The following FANK1 variants were observed in gnomAD, a reference collection of about 807,000 sequenced individuals.
The protein encoded by FANK1 is fibronectin type III and ankyrin repeat domains 1.
FANK1 carries 44 observed loss-of-function variants against 45.3 expected under a neutral mutation model. That is an observed-to-expected ratio of 0.97 (90% CI 0.76 to 1.25). FANK1 has a LOEUF of 1.25. Ranked by LOEUF, FANK1 falls within the 50% of genes most tolerant of loss-of-function variation. The pLI, the probability that FANK1 is intolerant of heterozygous loss-of-function variation, is 0.00. For synonymous variants in FANK1, 149 were observed against 152.5 expected, an observed-to-expected ratio of 0.98 and a Z score of 0.17; for missense variants, 391 against 424.4, an observed-to-expected ratio of 0.92 and a Z score of 0.69.
At chr10:125,942,169 T>TA in intron 1 of FANK1, among the ~76,000 whole-genome samples, 1 of 152,324 alleles carries the variant, frequency 6.6e-6, no homozygotes, top group East Asian at 1.9e-4. Context: ...ACTTCCTAGA[T>TA]AAAATGCTAG....
chr10:125,989,147 C>T (rs1443360891), intron 3 of FANK1: 2 of 744,792 alleles, frequency 2.7e-6, no homozygotes, highest in Non-Finnish European at 4.3e-6. Context: ...ACGAACAGTG[C>T]TGCTGCATCC....
chr10:125,940,685 G>A (rs1948396381), intron 1 of FANK1, among the ~76,000 whole-genome samples: 1 of 152,054 alleles, frequency 6.6e-6, no homozygotes, highest in East Asian at 1.9e-4. Context: ...GGATGGTCAG[G>A]TCTTTCCCTT....
intron 1 of FANK1, among the ~76,000 whole-genome samples, chr10:125,962,831 T>C (rs1398421250): frequency 6.6e-6 from 1 of 152,088 alleles, no homozygotes; most frequent in African/African-American, 2.4e-5. Flanking sequence ...AAAAATTTAT[T>C]TTTATAAAAA....
intron 1 of FANK1, among the ~76,000 whole-genome samples, chr10:125,906,867 G>C (rs1945567615): frequency 6.6e-6 from 1 of 152,128 alleles, no homozygotes; most frequent in African/African-American, 2.4e-5. Flanking sequence ...AATTATTTTA[G>C]TTATTTCTGA....
At chr10:125,911,421 T>C (rs1246976392) in intron 1 of FANK1, among the ~76,000 whole-genome samples, 2 of 152,220 alleles carry the variant, frequency 1.3e-5, no homozygotes, top group Non-Finnish European at 2.9e-5. Context: ...GTTTCTGTTG[T>C]TTTAAGCTGC....
In FANK1 at chr10:125,960,373, G is replaced by A. The variant is rs370499990; in HGVS notation, c.14-19788G>A. 9.9e-4 allele frequency: 201 copies of A among 202,054 alleles called. 1 individual carries two copies. Among genetic ancestry groups the A allele is most frequent in the South Asian group, 6.3e-3 (82 of 12,952 alleles). The allele number at this position is 202,054 out of a possible 1,614,324, so 12.5% of individuals were successfully genotyped here. A position where few individuals can be genotyped will look rare whatever the true frequency, so the allele number is the denominator to read the frequency against. On this transcript the variant is annotated intron_variant, in intron 1 of 10. Transcript: ENST00000368693. ...TGCAGCTTGAGCTGCTCCACCAGGC[G>A]CTGCAGGGCACTCTTGCTGGCCCTG...
intron 3 of FANK1, chr10:125,994,649 G>C (rs1489636678): frequency 1.0e-6 from 1 of 985,246 alleles, no homozygotes; most frequent in African/African-American, 1.7e-5. Flanking sequence ...AAAATCAGAA[G>C]GTGTAGAATA....
At chr10:125,935,445 C>T (rs1948034800) in intron 1 of FANK1, among the ~76,000 whole-genome samples, 1 of 152,136 alleles carries the variant, frequency 6.6e-6, no homozygotes, top group Admixed American at 6.5e-5. Flanking sequence ...TGGTATAAGA[C>T]AGCAGGGTTA....
intron 1 of FANK1, among the ~76,000 whole-genome samples, chr10:125,899,866 G>A (rs1469537930): frequency 2.0e-5 from 3 of 152,246 alleles, no homozygotes; most frequent in Admixed American, 6.5e-5. Context: ...TATAGCATCA[G>A]TAAATTGGTT....
At chr10:126,000,629 A>G (rs1952687747) in intron 6 of FANK1, among the ~76,000 whole-genome samples, 1 of 152,192 alleles carries the variant, frequency 6.6e-6, no homozygotes, top group East Asian at 1.9e-4. Context: ...ACCAGAAAAC[A>G]CAGAGGCATA....
intron 3 of FANK1, among the ~76,000 whole-genome samples, chr10:125,989,094 G>A (rs1334525436): frequency 6.6e-6 from 1 of 152,130 alleles, no homozygotes. Flanking sequence ...GTCTTAACTC[G>A]CCACACAAAC....
intron 1 of FANK1, among the ~76,000 whole-genome samples, chr10:125,941,996 G>A (rs1948480201): frequency 6.6e-6 from 1 of 152,200 alleles, no homozygotes; most frequent in Admixed American, 6.5e-5. Context: ...TAATGTTCTG[G>A]CCTTCAGATG....
intron 1 of FANK1, among the ~76,000 whole-genome samples, chr10:125,963,858 G>A (rs1041110350): frequency 1.3e-5 from 2 of 151,914 alleles, no homozygotes; most frequent in South Asian, 2.1e-4. Flanking sequence ...AAACCTGCAC[G>A]TTGTACACAT....
chr10:125,994,409 G>GT, intron 3 of FANK1: 2 of 985,258 alleles, frequency 2.0e-6, no homozygotes. Context: ...GACCTTTGAG[G>GT]TTTTTTTAGA....
intron 1 of FANK1, among the ~76,000 whole-genome samples, chr10:125,959,954 AAAAC>A (rs1385982622): frequency 3.9e-5 from 6 of 152,208 alleles, no homozygotes; most frequent in East Asian, 3.8e-4. Flanking sequence ...CACTTCACCA[AAAAC>A]AAACAAACAA....
intron 3 of FANK1, 125 bp downstream of exon 3, chr10:125,988,800 C>T: frequency 6.9e-7 from 1 of 1,445,036 alleles, no homozygotes; most frequent in East Asian, 2.3e-5. Context: ...TTTTTAAACA[C>T]TGCAATAATA....
chr10:125,947,440 CA>C (rs1201992715), intron 1 of FANK1, among the ~76,000 whole-genome samples: 4 of 148,284 alleles, frequency 2.7e-5, no homozygotes, highest in Non-Finnish European at 4.5e-5. Flanking sequence ...AAATGGAAAA[CA>C]AAAAAAGGCA....
At chr10:125,928,261 C>CTTTTTTTTTTTTT (rs34889746) in intron 1 of FANK1, among the ~76,000 whole-genome samples, 1 of 137,722 alleles carries the variant, frequency 7.3e-6, no homozygotes. Flanking sequence ...TTATTCGTGC[C>CTTTTTTTTTTTTT]TTTTTTTTTT....
chr10:125,978,434 A>G (rs754397694), intron 1 of FANK1, among the ~76,000 whole-genome samples: 1 of 152,126 alleles, frequency 6.6e-6, no homozygotes, highest in Non-Finnish European at 1.5e-5. Flanking sequence ...GCACCTGAAC[A>G]GTAAAGATGG....
Sources: gnomAD v4.1 joint callset for allele counts (sites outside exome capture counted in the v4.1 genomes callset) on GRCh38, gnomAD v4.1.1 for gene constraint, MANE v1.5 for transcripts, NCBI Gene and HGNC (gene_info 2026-07-23, HGNC 2026-07-21) for gene names.